Variants in TULP4 observed in about 807,000 individuals in gnomAD.
The protein encoded by TULP4 is TUB like protein 4.
Under a neutral mutation model 129.0 loss-of-function variants are expected in TULP4, and 16 were observed. That is an observed-to-expected ratio of 0.12 (90% CI 0.08 to 0.19). The LOEUF (loss-of-function observed/expected upper bound fraction) is 0.19, where lower values mean the gene tolerates loss of function less well. Ranked by LOEUF, TULP4 falls within the 10% of genes least tolerant of loss-of-function variation. TULP4 has a pLI of 1.00. For synonymous variants in TULP4, 998 were observed against 854.0 expected, an observed-to-expected ratio of 1.17 and a Z score of -2.94; for missense variants, 1,842 against 2,059.1, an observed-to-expected ratio of 0.89 and a Z score of 2.04.
chr6:158,461,412 A>G, intron 5 of TULP4, 151 bp from the exon 6 acceptor site: 2 of 399,576 alleles, frequency 5.0e-6, no homozygotes, highest in Non-Finnish European at 7.4e-6. Flanking sequence ...ACTCCGTCTC[A>G]AAAAAAAAAA....
intron 1 of TULP4, among the ~76,000 whole-genome samples, chr6:158,306,878 G>A (rs1206669395): frequency 6.6e-6 from 1 of 152,152 alleles, no homozygotes; most frequent in Non-Finnish European, 1.5e-5. Flanking sequence ...AAGTTAACTG[G>A]ATGTGGTGGT....
chr6:158,454,019 C>CT (rs770740499), intron 5 of TULP4, among the ~76,000 whole-genome samples: 1,956 of 66,000 alleles, frequency 0.03, 144 homozygotes, highest in African/African-American at 0.13. Context: ...TGCCTCTGCA[C>CT]CGCCCCCCCC....
intron 2 of TULP4, among the ~76,000 whole-genome samples, chr6:158,423,636 G>T (rs201688536): frequency 2.1e-4 from 9 of 43,630 alleles, no homozygotes; most frequent in African/African-American, 1.6e-3. Flanking sequence ...TTTGTTTTTT[G>T]TTGTTGTTGT....
chr6:158,406,217 CT>C (rs1020550481), intron 1 of TULP4, among the ~76,000 whole-genome samples: 5 of 152,110 alleles, frequency 3.3e-5, no homozygotes, highest in African/African-American at 1.2e-4. Flanking sequence ...GCTTTGTGAC[CT>C]TAGGAAAGCT....
At chr6:158,425,153 C>CAAAAA (rs562712423) in intron 2 of TULP4, among the ~76,000 whole-genome samples, 4 of 39,804 alleles carry the variant, frequency 1.0e-4, no homozygotes, top group African/African-American at 4.1e-4. Flanking sequence ...GACACCATCT[C>CAAAAA]AAAAAAAAAA....
intron 8 of TULP4, 59 bp downstream of exon 8, chr6:158,481,348 G>T: frequency 6.9e-7 from 1 of 1,456,526 alleles, no homozygotes; most frequent in African/African-American, 1.4e-5. Flanking sequence ...GGCTGTTAAC[G>T]CCTTACACCC....
chr6:158,419,674 T>TA (rs1486368366), intron 2 of TULP4, among the ~76,000 whole-genome samples: 1 of 152,300 alleles, frequency 6.6e-6, no homozygotes, highest in South Asian at 2.1e-4. Context: ...ATAAAGCTGA[T>TA]GTAGCTGTAT....
At chr6:158,429,081 C>T (rs768346550) in intron 2 of TULP4, among the ~76,000 whole-genome samples, 19 of 152,194 alleles carry the variant, frequency 1.2e-4, no homozygotes, top group South Asian at 1.0e-3. Context: ...CTCCTAGGCT[C>T]AAGGAATCCT....
intron 3 of TULP4, among the ~76,000 whole-genome samples, chr6:158,440,947 A>G (rs1412172575): frequency 6.6e-6 from 1 of 152,222 alleles, no homozygotes; most frequent in African/African-American, 2.4e-5. Context: ...CTCTGGACTC[A>G]GGCGATGAAT....
chr6:158,396,827 T>A (rs756294246), intron 1 of TULP4, among the ~76,000 whole-genome samples: 13 of 152,176 alleles, frequency 8.5e-5, no homozygotes, highest in Non-Finnish European at 1.6e-4. Flanking sequence ...TAAAGAAATG[T>A]ATGTACTTTC....
intron 1 of TULP4, chr6:158,237,258 T>G (rs1489984187): frequency 2.5e-5 from 25 of 1,014,152 alleles, no homozygotes; most frequent in Non-Finnish European, 3.5e-5. Context: ...GTTCTGTGCT[T>G]CTTGCTGTAT....
chr6:158,364,834 T>C (rs912271084), intron 1 of TULP4, among the ~76,000 whole-genome samples: 5 of 152,150 alleles, frequency 3.3e-5, no homozygotes, highest in African/African-American at 7.2e-5. Flanking sequence ...CCTCCCAGGT[T>C]GACGCCATTC....
chr6:158,313,221 G>A lies in TULP4; in HGVS notation c.-796G>A, dbSNP rs117885931. On this transcript the variant is annotated 5_prime_UTR_variant, in exon 1 of 14. Transcript: ENST00000367097. ...CTTTCTAGCCTCTATGGCACTGAGGGGTGCGCCGGCTGGTGGAGGAGCAGT... is the reference window on the plus strand; with the variant it reads ...CTTTCTAGCCTCTATGGCACTGAGGAGTGCGCCGGCTGGTGGAGGAGCAGT... The A allele has an allele frequency of 3.1e-4, 107 of 340,488 alleles. No individual in the cohort carries two copies. Among genetic ancestry groups the A allele is most frequent in the Middle Eastern group, 2.3e-3 (3 of 1,312 alleles). The allele number at this position is 340,488 out of a possible 1,614,324, so 21.1% of individuals were successfully genotyped here. A position where few individuals can be genotyped will look rare whatever the true frequency, so the allele number is the denominator to read the frequency against.
chr6:158,366,602 C>T (rs994523246), intron 1 of TULP4, among the ~76,000 whole-genome samples: 2 of 152,202 alleles, frequency 1.3e-5, no homozygotes, highest in African/African-American at 2.4e-5. Flanking sequence ...TGCCTTTGGC[C>T]TCTTCCTGTT....
intron 3 of TULP4, among the ~76,000 whole-genome samples, chr6:158,431,894 C>T (rs936139046): frequency 2.6e-5 from 4 of 151,984 alleles, no homozygotes; most frequent in East Asian, 1.9e-4. Context: ...CAATTGGGTA[C>T]GTGGCCGCAG....
At chr6:158,388,511 A>G (rs1418026162) in intron 1 of TULP4, among the ~76,000 whole-genome samples, 1 of 151,404 alleles carries the variant, frequency 6.6e-6, no homozygotes, top group Non-Finnish European at 1.5e-5. Context: ...TTGTAGTTTT[A>G]GTAGAGATGG....
chr6:158,501,210 T>C (rs767639473), intron 12 of TULP4, among the ~76,000 whole-genome samples: 3 of 152,230 alleles, frequency 2.0e-5, no homozygotes, highest in Non-Finnish European at 2.9e-5. Context: ...CTTATACACA[T>C]CTGTTGCATG....
At chr6:158,353,636 G>T (rs1780577229) in intron 1 of TULP4, among the ~76,000 whole-genome samples, 1 of 151,982 alleles carries the variant, frequency 6.6e-6, no homozygotes, top group African/African-American at 2.4e-5. Flanking sequence ...TCTTTAATTC[G>T]TTCAGGTGTC....
chr6:158,388,504 T>C (rs1777508657), intron 1 of TULP4, among the ~76,000 whole-genome samples: 1 of 151,704 alleles, frequency 6.6e-6, no homozygotes, highest in South Asian at 2.1e-4. Flanking sequence ...TAATTTTTTG[T>C]AGTTTTAGTA....
Sources: allele counts gnomAD v4.1 joint callset (sites outside exome capture counted in the v4.1 genomes callset), GRCh38; gene constraint gnomAD v4.1.1; transcripts MANE v1.5; gene names NCBI Gene and HGNC (gene_info 2026-07-23, HGNC 2026-07-21).